The following RRN3 variants were observed in gnomAD, a reference collection of about 807,000 sequenced individuals.
RRN3 encodes RNA polymerase I-specific transcription initiation factor RRN3.
In RRN3, 38 loss-of-function variants were observed where a neutral mutation model predicts 82.3. The observed-to-expected ratio is 0.46, with a 90% CI of 0.36 to 0.61. The LOEUF is 0.61. Ranked by LOEUF, RRN3 falls within the 20% of genes least tolerant of loss-of-function variation. The probability of loss-of-function intolerance (pLI) is 0.00; values close to 1 mark genes in which losing one functional copy is unlikely to be tolerated. For missense variants in RRN3, 726 were observed against 793.1 expected, an observed-to-expected ratio of 0.92 and a Z score of 1.02; for synonymous variants, 284 against 284.3, an observed-to-expected ratio of 1.00 and a Z score of 0.01.
At chr16:15,076,446 G>C (rs2045457638) in intron 10 of RRN3, 112 bp downstream of exon 10, 1 of 790,204 alleles carries the variant, frequency 1.3e-6, no homozygotes, top group Non-Finnish European at 2.2e-6. Context: ...TTTCAAGTTT[G>C]CTGAACTATT....
At chr16:15,084,535 G>A (rs890485791) in intron 7 of RRN3, 107 bp downstream of exon 7, 10 of 723,720 alleles carry the variant, frequency 1.4e-5, no homozygotes, top group Admixed American at 3.3e-5. Flanking sequence ...AAAAAAACAT[G>A]CAATGTAAGA....
At chr16:15,089,889 T>C (rs1485046889) in intron 3 of RRN3, among the ~76,000 whole-genome samples, 1 of 147,540 alleles carries the variant, frequency 6.8e-6, no homozygotes, top group Non-Finnish European at 1.5e-5. Flanking sequence ...TGTCGGCTGA[T>C]ACAAGGAATA....
At chr16:15,089,786 C>CTAA in intron 3 of RRN3, among the ~76,000 whole-genome samples, 1 of 66,580 alleles carries the variant, frequency 1.5e-5, no homozygotes, top group East Asian at 5.2e-4. Context: ...GGCGACAGAG[C>CTAA]AAAAAAAAAA....
chr16:15,093,556 T>A (rs2046226228), intron 1 of RRN3, among the ~76,000 whole-genome samples: 1 of 152,174 alleles, frequency 6.6e-6, no homozygotes, highest in Non-Finnish European at 1.5e-5. Context: ...AGGAGCTCGA[T>A]AATTATTATG....
At chr16:15,070,306 A>G (rs766630558) in intron 13 of RRN3, 52 bp from the exon 14 acceptor site, 6 of 1,601,770 alleles carry the variant, frequency 3.7e-6, no homozygotes, top group South Asian at 1.1e-5. Context: ...AAAAACCAGA[A>G]TAACATAAAA....
chr16:15,060,113 T>G lies in RRN3; in HGVS notation c.*1631A>C, dbSNP rs907861464. On this transcript the variant is annotated 3_prime_UTR_variant, in exon 18 of 18. Coordinates refer to ENST00000198767, the MANE Select transcript of RRN3 (RefSeq NM_018427.5). ...ATTGTTTCATTTTCACCATGGATTT[T>G]TTTTCACAAACTCCTTTGAAATTAA... 5 of 343,530 alleles carry G rather than the reference T, an allele frequency of 1.5e-5. No individual in the cohort carries two copies. Among genetic ancestry groups the G allele is most frequent in the Non-Finnish European group, 2.9e-5 (5 of 174,534 alleles). 21.3% of individuals were successfully genotyped at this position (343,530 alleles called of 1,614,324 possible).
In RRN3 at chr16:15,070,118, T is replaced by G; in HGVS notation, c.1396A>C (p.Thr466Pro). ...AGCTGCTTGTGTCTAAAAACAAAGGTGTAGAACACAGCTTGGCAGGCTGAG... is the reference window on the plus strand; with the variant it reads ...AGCTGCTTGTGTCTAAAAACAAAGGGGTAGAACACAGCTTGGCAGGCTGAG... ...FYSACQAVFYTFVFRHKQLLS... is the reference protein window; with the variant it reads ...FYSACQAVFYPFVFRHKQLLS... Residue 466 changes from threonine (T) to proline (P), a missense_variant, in exon 14 of 18, where the codon ACC (threonine) becomes CCC (proline). Thr to Pro is a conservative substitution (Grantham distance 38). Coordinates refer to ENST00000198767, the MANE Select transcript of RRN3 (RefSeq NM_018427.5). 1.2e-6 allele frequency: 2 copies of G among 1,603,118 alleles called. No individual in the cohort carries two copies. Among genetic ancestry groups the G allele is most frequent in the Non-Finnish European group, 1.7e-6 (2 of 1,174,104 alleles).
rs1319053973 is a variant in RRN3 at position 15,083,536 on chromosome 16, C to A, written c.643G>T (p.Val215Phe). The A allele has an allele frequency of 1.1e-5, 17 of 1,608,514 alleles. No individual in the cohort carries two copies. Among genetic ancestry groups the A allele is most frequent in the Non-Finnish European group, 1.4e-5 (17 of 1,178,964 alleles). The change falls in exon 8 of 18, where the codon GTT (valine) becomes TTT (phenylalanine). Residue 215 changes from valine to phenylalanine, a missense_variant. By Grantham distance (50) the Val-to-Phe change is conservative. This residue lies in a region of RRN3 where 344 missense variants were observed against 394.5 expected (regional missense o/e 0.87). Transcript: ENST00000198767. Reference protein sequence around the residue: ...MPILVEKFPFVRKSERTLECY... With the variant: ...MPILVEKFPFFRKSERTLECY... The stretch of plus-strand genomic sequence containing the variant: ...ACCAGTGTTCTCTCTGATTTTCGAA[C>A]AAATGGAAATTTTTCCACCAGTATT...
chr16:15,091,832 C>G (rs1364854940), intron 2 of RRN3, among the ~76,000 whole-genome samples: 1 of 152,188 alleles, frequency 6.6e-6, no homozygotes, highest in East Asian at 1.9e-4. Flanking sequence ...AATCCCTACT[C>G]AGAGAACTGG....
chr16:15,077,745 G>A (rs2045523648), intron 9 of RRN3, among the ~76,000 whole-genome samples: 1 of 152,220 alleles, frequency 6.6e-6, no homozygotes, highest in Admixed American at 6.5e-5. Context: ...GGAGGCTGAG[G>A]CAGGAGAACT....
In RRN3 at chr16:15,085,702, T is replaced by C. The variant is rs2045890147; in HGVS notation, c.473-4A>G. 3.1e-6 allele frequency: 5 copies of C among 1,613,138 alleles called. No individual in the cohort carries two copies. Among genetic ancestry groups the C allele is most frequent in the Non-Finnish European group, 3.4e-6 (4 of 1,179,772 alleles). On this transcript the variant is annotated splice_polypyrimidine_tract_variant and splice_region_variant and intron_variant, in intron 5 of 17. Coordinates refer to ENST00000198767, the MANE Select transcript of RRN3 (RefSeq NM_018427.5). ...CCTTCCTTAATGATCACTCGGGCTT[T>C]TGAGGGAAAAAGAAAATATGTTATT...
intron 6 of RRN3, among the ~76,000 whole-genome samples, chr16:15,085,270 G>A (rs995197595): frequency 6.6e-6 from 1 of 151,964 alleles, no homozygotes; most frequent in African/African-American, 2.4e-5. Flanking sequence ...TACATCAAAG[G>A]TTGTCATTTG....
At position 15,086,379 on chromosome 16, in the gene RRN3, T is replaced by G. The variant is rs764080357; in HGVS notation, c.328A>C (p.Ile110Leu). 1 of 1,613,654 alleles carries G rather than the reference T, an allele frequency of 6.2e-7. No individual in the cohort carries two copies. Among genetic ancestry groups the G allele is most frequent in the Non-Finnish European group, 8.5e-7 (1 of 1,179,782 alleles). ...GGTGAACTTACTAATATAATACTGA[T>G]AAGTTGCTCAAAGTCTTTTGTCAAG... ...MYLTKDFEQL[I>L]SIILRLPWLN... The change falls in exon 4 of 18, where the codon ATC (isoleucine) becomes CTC (leucine). Residue 110 changes from isoleucine to leucine, a missense_variant. Physicochemically the swap from Ile to Leu is conservative, Grantham distance 5. This residue lies in a region of RRN3 where 344 missense variants were observed against 394.5 expected (regional missense o/e 0.87). Coordinates refer to ENST00000198767, the MANE Select transcript of RRN3 (RefSeq NM_018427.5).
chr16:15,082,825 T>A (rs1334847065), intron 8 of RRN3, among the ~76,000 whole-genome samples: 1 of 152,168 alleles, frequency 6.6e-6, no homozygotes, highest in African/African-American at 2.4e-5. Context: ...CTGAACATTG[T>A]ACAAAAACTT....
chr16:15,072,064 C>A (rs1469517467), intron 12 of RRN3, among the ~76,000 whole-genome samples: 1 of 152,114 alleles, frequency 6.6e-6, no homozygotes, highest in Non-Finnish European at 1.5e-5. Context: ...AAAACAGACA[C>A]AGCTTCTCAC....
At chr16:15,091,642 C>G (rs539530782) in intron 2 of RRN3, among the ~76,000 whole-genome samples, 1 of 152,102 alleles carries the variant, frequency 6.6e-6, no homozygotes, top group Admixed American at 6.6e-5. Flanking sequence ...CCTGCGAATT[C>G]TCAAAAAGCA....
At chr16:15,070,948 G>A (rs940314790) in intron 13 of RRN3, among the ~76,000 whole-genome samples, 173 bp downstream of exon 13, 1 of 152,110 alleles carries the variant, frequency 6.6e-6, no homozygotes, top group African/African-American at 2.4e-5. Context: ...TAAAAAAGGA[G>A]ACACTTTATT....
At chr16:15,085,143 A>T (rs2045867623) in intron 6 of RRN3, among the ~76,000 whole-genome samples, 1 of 152,226 alleles carries the variant, frequency 6.6e-6, no homozygotes, top group Non-Finnish European at 1.5e-5. Context: ...TTATCAGAGA[A>T]ATAATAATTT....
intron 2 of RRN3, among the ~76,000 whole-genome samples, chr16:15,092,302 C>T (rs901230721): frequency 6.6e-6 from 1 of 152,142 alleles, no homozygotes; most frequent in Non-Finnish European, 1.5e-5. Flanking sequence ...ATTACTCTCT[C>T]ATTATTACCT....
Sources: allele counts gnomAD v4.1 joint callset (sites outside exome capture counted in the v4.1 genomes callset), GRCh38; gene constraint gnomAD v4.1.1; regional missense constraint gnomAD v4.1.1; transcripts MANE v1.5; gene names NCBI Gene and HGNC (gene_info 2026-07-23, HGNC 2026-07-21).